Variants in ABI3BP observed in about 807,000 individuals in gnomAD.
ABI3BP encodes target of Nesh-SH3.
Under a neutral mutation model 268.6 loss-of-function variants are expected in ABI3BP, and 216 were observed. The observed-to-expected ratio is 0.80, with a 90% CI of 0.72 to 0.90. The LOEUF (loss-of-function observed/expected upper bound fraction) is 0.90. Among genes scored for constraint, ABI3BP ranks in the 40% least tolerant of loss-of-function variants. The probability of loss-of-function intolerance (pLI) is 0.00; values close to 1 mark genes in which losing one functional copy is unlikely to be tolerated. For missense variants in ABI3BP, 2,090 were observed against 2,182.4 expected (o/e 0.96, Z 0.84); for synonymous variants, 730 against 730.0 (o/e 1.00, Z 0.00).
intron 18 of ABI3BP, 86 bp downstream of exon 18, chr3:100,848,715 C>T: frequency 7.4e-7 from 1 of 1,354,458 alleles, no homozygotes; most frequent in Non-Finnish European, 1.0e-6. Context: ...GTGTGAGCCA[C>T]TGCACCTGGC....
chr3:100,860,776 C>A (rs143919372), intron 14 of ABI3BP, among the ~76,000 whole-genome samples: 605 of 152,266 alleles, frequency 4.0e-3, no homozygotes, highest in African/African-American at 0.014. Flanking sequence ...CCCATGTTCC[C>A]CATGTTATAA....
chr3:100,847,798 A>ATTGTTTTG, intron 18 of ABI3BP, 125 bp from the exon 19 acceptor site: 1 of 765,732 alleles, frequency 1.3e-6, no homozygotes, highest in South Asian at 1.6e-5. Flanking sequence ...TACAATGAGT[A>ATTGTTTTG]AAAGTTTTGA....
chr3:100,870,179 C>CA (rs1435255468), intron 9 of ABI3BP, among the ~76,000 whole-genome samples: 1 of 151,604 alleles, frequency 6.6e-6, no homozygotes, highest in Non-Finnish European at 1.5e-5. Flanking sequence ...CCACACTTTG[C>CA]AAAAAACAGT....
chr3:100,913,520 G>A (rs1300883553), intron 2 of ABI3BP, among the ~76,000 whole-genome samples: 1 of 152,116 alleles, frequency 6.6e-6, no homozygotes, highest in Non-Finnish European at 1.5e-5. Flanking sequence ...TAGAAAATTG[G>A]GGAAATCCTG....
At chr3:100,789,099 C>A (rs1315395268) in intron 56 of ABI3BP, among the ~76,000 whole-genome samples, 2 of 152,026 alleles carry the variant, frequency 1.3e-5, no homozygotes, top group Admixed American at 6.6e-5. Context: ...TGAAAAGAGA[C>A]CCTCTTTTCT....
intron 65 of ABI3BP, 131 bp downstream of exon 65, chr3:100,753,688 T>C: frequency 1.0e-6 from 1 of 968,390 alleles, no homozygotes; most frequent in Non-Finnish European, 1.6e-6. Context: ...AGGTAAACAT[T>C]CACAACTGTT....
At chr3:100,957,575 G>C (rs924189878) in intron 1 of ABI3BP, among the ~76,000 whole-genome samples, 3 of 152,178 alleles carry the variant, frequency 2.0e-5, no homozygotes, top group African/African-American at 4.8e-5. Flanking sequence ...AAGGGAGGGA[G>C]AGCAGATAGA....
At position 100,765,825 on chromosome 3, in the gene ABI3BP, A is replaced by G. The variant is rs760837105; in HGVS notation, c.4850+16T>C. On this transcript the variant is annotated intron_variant, in intron 63 of 67. Transcript: ENST00000471714. ...TGCACTCTCAGAATTTACCTGGAAT[A>G]GCACTGGTGGCTTACCTCGTGTTTG... 1 of 1,555,288 alleles carries G rather than the reference A, an allele frequency of 6.4e-7. No individual in the cohort carries two copies. Among genetic ancestry groups the G allele is most frequent in the Non-Finnish European group, 8.8e-7 (1 of 1,132,940 alleles).
chr3:100,985,339 C>T (rs1332482837), intron 1 of ABI3BP, among the ~76,000 whole-genome samples: 1 of 151,580 alleles, frequency 6.6e-6, no homozygotes, highest in South Asian at 2.1e-4. Context: ...TTAGTAGAGA[C>T]AGGGTTTCAC....
Position 100,839,633 on chromosome 3 carries a change from C to G in ABI3BP, c.1898-17G>C. 1 of 1,535,604 alleles carries G rather than the reference C, an allele frequency of 6.5e-7. No individual in the cohort carries two copies. The highest frequency in any genetic ancestry group is 1.4e-5 in the African/African-American group (1 of 73,108). On this transcript the variant is annotated splice_polypyrimidine_tract_variant and intron_variant, in intron 23 of 67. Transcript: ENST00000471714. ...GTTCCAGAGCTACAGAAGCAAATAC[C>G]AAAAACATGAAATATTTCAAGAAGT...
At chr3:100,951,800 A>G (rs1247891337) in intron 1 of ABI3BP, among the ~76,000 whole-genome samples, 1 of 151,934 alleles carries the variant, frequency 6.6e-6, no homozygotes, top group African/African-American at 2.4e-5. Flanking sequence ...CTAAACTTCT[A>G]ATTAAAGAGT....
chr3:100,780,327 T>C (rs1301855555), intron 57 of ABI3BP, 118 bp from the exon 58 acceptor site: 1 of 893,072 alleles, frequency 1.1e-6, no homozygotes, highest in African/African-American at 1.7e-5. Context: ...GGTGTTTTTA[T>C]GCCAAGACAT....
intron 1 of ABI3BP, among the ~76,000 whole-genome samples, chr3:100,938,275 C>T (rs2576381): frequency 0.6 from 90,123 of 150,644 alleles, 27,573 homozygotes; most frequent in East Asian, 0.91. Flanking sequence ...AACAAACCTG[C>T]ACATGTACCC....
At chr3:100,881,234 G>A (rs2039076984) in intron 6 of ABI3BP, among the ~76,000 whole-genome samples, 1 of 152,172 alleles carries the variant, frequency 6.6e-6, no homozygotes, top group Admixed American at 6.5e-5. Context: ...AAGGATGCCT[G>A]ATACATTCAC....
intron 1 of ABI3BP, among the ~76,000 whole-genome samples, chr3:100,939,418 A>G (rs2153703085): frequency 6.6e-6 from 1 of 152,016 alleles, no homozygotes; most frequent in East Asian, 1.9e-4. Context: ...ATTTTCCTTA[A>G]GCGTCAGCCA....
chr3:100,791,508 A>T lies in ABI3BP; in HGVS notation c.4024+1183T>A, dbSNP rs111499283. On this transcript the variant is annotated intron_variant, in intron 55 of 67. Coordinates refer to ENST00000471714, the MANE Select transcript of ABI3BP (RefSeq NM_001375547.2). ...TTCTCTTAAGCCAGAAATTAAAGAG[A>T]TTTGCAAAAACATGAAATAATAAAC... Among the ~76,000 whole-genome samples, 545 of 151,990 alleles carry T rather than the reference A, an allele frequency of 3.6e-3. 5 individuals carry two copies. Among genetic ancestry groups the T allele is most frequent in the Non-Finnish European group, 5.3e-3 (357 of 67,838 alleles).
intron 2 of ABI3BP, 23 bp from the exon 3 acceptor site, chr3:100,902,709 T>A: frequency 6.2e-7 from 1 of 1,609,728 alleles, no homozygotes; most frequent in Non-Finnish European, 8.5e-7. Context: ...ACATTATTTA[T>A]CAGAAAAACC....
intron 20 of ABI3BP, 41 bp from the exon 21 acceptor site, chr3:100,842,080 G>A: frequency 4.8e-6 from 7 of 1,467,062 alleles, no homozygotes; most frequent in African/African-American, 1.4e-5. Flanking sequence ...ATGCTGAAGA[G>A]CACCATCTGA....
intron 1 of ABI3BP, among the ~76,000 whole-genome samples, chr3:100,987,165 A>G (rs895583866): frequency 1.3e-5 from 2 of 152,176 alleles, no homozygotes; most frequent in African/African-American, 4.8e-5. Context: ...CAATCAGGGA[A>G]CAGCAAAAGG....
Sources: allele counts gnomAD v4.1 joint callset (sites outside exome capture counted in the v4.1 genomes callset), GRCh38; gene constraint gnomAD v4.1.1; transcripts MANE v1.5; gene names NCBI Gene and HGNC (gene_info 2026-07-23, HGNC 2026-07-21).